CDH12: variants seen among roughly 807,000 people sequenced by gnomAD.
CDH12 encodes the protein cadherin-12.
Under a neutral mutation model 74.1 loss-of-function variants are expected in CDH12, and 41 were observed. That is an observed-to-expected ratio of 0.55 (90% CI 0.43 to 0.72). The LOEUF is 0.72. CDH12 is among the 30% of genes least tolerant of loss of function. The pLI is 0.00. For missense variants in CDH12, 945 were observed against 977.2 expected, an observed-to-expected ratio of 0.97 and a Z score of 0.44; for synonymous variants, 399 against 355.0, an observed-to-expected ratio of 1.12 and a Z score of -1.39.
intron 1 of CDH12, among the ~76,000 whole-genome samples, chr5:22,707,530 A>G (rs902275352): frequency 6.6e-6 from 1 of 152,196 alleles, no homozygotes; most frequent in Admixed American, 6.6e-5. Flanking sequence ...CATCAGTGTC[A>G]TTTATGATAA....
chr5:21,990,703 C>G (rs1560999987), intron 5 of CDH12, among the ~76,000 whole-genome samples: 1 of 151,652 alleles, frequency 6.6e-6, no homozygotes, highest in African/African-American at 2.4e-5. Context: ...CTTTATGTGT[C>G]TAAACCCACT....
At chr5:22,382,221 A>ATAATATTTTATATATTATAAAATATG (rs1741792166) in intron 3 of CDH12, among the ~76,000 whole-genome samples, 2 of 146,098 alleles carry the variant, frequency 1.4e-5, no homozygotes, top group East Asian at 3.9e-4. Context: ...TTTAAAATAT[A>ATAATATTTTATATATTATAAAATATG]TAATATTTTA....
intron 3 of CDH12, among the ~76,000 whole-genome samples, chr5:22,299,995 A>G (rs932138364): frequency 8.5e-5 from 13 of 152,340 alleles, no homozygotes; most frequent in Admixed American, 5.9e-4. Flanking sequence ...ACAAAGGATG[A>G]CAATAGATTG....
chr5:22,071,583 AT>A (rs1324353127), intron 5 of CDH12, among the ~76,000 whole-genome samples: 1 of 151,952 alleles, frequency 6.6e-6, no homozygotes, highest in Non-Finnish European at 1.5e-5. Flanking sequence ...GATCTATCTA[AT>A]TTTTTTCATC....
chr5:22,847,870 CT>C lies in CDH12; in HGVS notation c.-523+5187del, dbSNP rs892586978. Among the ~76,000 whole-genome samples the C allele has an allele frequency of 1.3e-3, 189 of 149,984 alleles. 1 individual carries two copies. Among genetic ancestry groups the C allele is most frequent in the African/African-American group, 3.8e-3 (158 of 41,058 alleles). On this transcript the variant is annotated intron_variant, in intron 1 of 14. Transcript: ENST00000382254. Reference sequence around the variant, plus strand: ...GTATGATCAGCCTCTTTCTTTTATTCTTTTTTTTTCTTTCTTTCTTTTTTTT... The same window carrying C: ...GTATGATCAGCCTCTTTCTTTTATTCTTTTTTTTCTTTCTTTCTTTTTTTT...
chr5:22,769,253 C>G (rs1466565932), intron 1 of CDH12, among the ~76,000 whole-genome samples: 1 of 152,114 alleles, frequency 6.6e-6, no homozygotes, highest in Non-Finnish European at 1.5e-5. Context: ...TGGGCACCAT[C>G]CAATCAGCTG....
At chr5:21,798,882 C>G (rs1270848750) in intron 10 of CDH12, among the ~76,000 whole-genome samples, 3 of 152,042 alleles carry the variant, frequency 2.0e-5, no homozygotes, top group Non-Finnish European at 4.4e-5. Context: ...ACATTGGTAC[C>G]AAACGGTGGG....
chr5:22,598,384 G>C (rs760209460), intron 1 of CDH12, among the ~76,000 whole-genome samples: 13 of 152,062 alleles, frequency 8.5e-5, no homozygotes, highest in Non-Finnish European at 1.3e-4. Context: ...AAGTGAGTTC[G>C]CATGAGATCT....
chr5:21,759,762 G>T (rs1271828339), intron 13 of CDH12, among the ~76,000 whole-genome samples: 1 of 151,970 alleles, frequency 6.6e-6, no homozygotes, highest in Non-Finnish European at 1.5e-5. Flanking sequence ...GGGGTTTGTT[G>T]TATGTATTAT....
At chr5:21,941,451 C>T (rs1165400618) in intron 6 of CDH12, among the ~76,000 whole-genome samples, 1 of 151,696 alleles carries the variant, frequency 6.6e-6, no homozygotes, top group African/African-American at 2.4e-5. Flanking sequence ...AAAAAATGAG[C>T]CCAGATGTTT....
At chr5:21,919,747 TA>T (rs1334246540) in intron 6 of CDH12, among the ~76,000 whole-genome samples, 2 of 152,150 alleles carry the variant, frequency 1.3e-5, no homozygotes, top group African/African-American at 2.4e-5. Context: ...TTAGATGCAT[TA>T]AAAAATTAAT....
chr5:21,814,559 A>G (rs1279503498), intron 9 of CDH12, among the ~76,000 whole-genome samples: 1 of 151,462 alleles, frequency 6.6e-6, no homozygotes, highest in Non-Finnish European at 1.5e-5. Flanking sequence ...TTGATTACTT[A>G]TTGGTATAGG....
intron 1 of CDH12, among the ~76,000 whole-genome samples, chr5:22,807,074 T>C (rs1285068332): frequency 6.6e-6 from 1 of 152,208 alleles, no homozygotes; most frequent in East Asian, 1.9e-4. Context: ...TGGTATTGCC[T>C]AGATTTTCTT....
At chr5:22,232,480 T>G (rs1752417973) in intron 3 of CDH12, among the ~76,000 whole-genome samples, 1 of 151,938 alleles carries the variant, frequency 6.6e-6, no homozygotes. Flanking sequence ...AACTGCATAA[T>G]TAACACAGAA....
At chr5:22,615,406 G>T (rs1737645369) in intron 1 of CDH12, among the ~76,000 whole-genome samples, 1 of 151,878 alleles carries the variant, frequency 6.6e-6, no homozygotes, top group South Asian at 2.1e-4. Flanking sequence ...TCTACCTAAA[G>T]GAAATAATTA....
chr5:22,760,530 T>C lies in CDH12; in HGVS notation c.-523+92528A>G, dbSNP rs1278269829. Among the ~76,000 whole-genome samples the C allele has an allele frequency of 2.0e-5, 3 of 151,726 alleles. No homozygotes were observed. The East Asian group carries it at 5.8e-4, about 30-fold the overall frequency. On this transcript the variant is annotated intron_variant, in intron 1 of 14. Coordinates refer to ENST00000382254, the MANE Select transcript of CDH12 (RefSeq NM_004061.5). ...ACCATTGTTACTAAAAATACAAAAA[T>C]TAGCTGGGCATGGTGGTGGCTGCCT...
intron 3 of CDH12, among the ~76,000 whole-genome samples, chr5:22,400,496 C>T (rs1447336392): frequency 2.6e-5 from 4 of 151,796 alleles, no homozygotes; most frequent in East Asian, 1.9e-4. Flanking sequence ...GGTTTCACCA[C>T]GTTGCCCAGG....
chr5:22,239,303 A>G (rs1752665870), intron 3 of CDH12, among the ~76,000 whole-genome samples: 1 of 152,166 alleles, frequency 6.6e-6, no homozygotes, highest in Non-Finnish European at 1.5e-5. Flanking sequence ...TTCAAGAACC[A>G]ATGGTTCTCC....
chr5:22,068,320 G>A (rs1392787589), intron 5 of CDH12, among the ~76,000 whole-genome samples: 1 of 152,184 alleles, frequency 6.6e-6, no homozygotes, highest in East Asian at 1.9e-4. Context: ...CTCCCTATCA[G>A]CTGAGAGAGA....
Sources: gnomAD v4.1 joint callset for allele counts (sites outside exome capture counted in the v4.1 genomes callset) on GRCh38, gnomAD v4.1.1 for gene constraint, MANE v1.5 for transcripts, NCBI Gene and HGNC (gene_info 2026-07-23, HGNC 2026-07-21) for gene names.